Variants in RORA observed in about 807,000 individuals in gnomAD.
RORA encodes the protein nuclear receptor ROR-alpha.
In RORA, 7 loss-of-function variants were observed where a neutral mutation model predicts 69.5. The ratio of observed to expected loss-of-function variants is 0.10; its 90% CI spans 0.06 to 0.19. The LOEUF (loss-of-function observed/expected upper bound fraction) is 0.19, where lower values mean the gene tolerates loss of function less well. Among genes scored for constraint, RORA ranks in the 10% least tolerant of loss-of-function variants. RORA has a pLI of 1.00. For missense variants in RORA, 457 were observed against 663.0 expected (o/e 0.69, Z 3.41); for synonymous variants, 261 against 240.8 (o/e 1.08, Z -0.78).
intron 1 of RORA, among the ~76,000 whole-genome samples, chr15:61,161,955 C>T (rs1257211146): frequency 2.0e-5 from 3 of 152,068 alleles, no homozygotes; most frequent in Non-Finnish European, 2.9e-5. Flanking sequence ...TTTTTAATCA[C>T]GTGGCAAATG....
At chr15:60,757,435 A>AT (rs1172491296) in intron 1 of RORA, among the ~76,000 whole-genome samples, 2 of 152,058 alleles carry the variant, frequency 1.3e-5, no homozygotes, top group Non-Finnish European at 2.9e-5. Flanking sequence ...TGCAAAGAGT[A>AT]TTTTTCTGCC....
At chr15:60,971,142 T>C (rs771486617) in intron 1 of RORA, among the ~76,000 whole-genome samples, 2 of 152,212 alleles carry the variant, frequency 1.3e-5, no homozygotes, top group South Asian at 2.1e-4. Context: ...AAAGTCCATA[T>C]TGAAGCATGG....
At chr15:60,982,816 A>G (rs1044436239) in intron 1 of RORA, among the ~76,000 whole-genome samples, 3 of 152,236 alleles carry the variant, frequency 2.0e-5, no homozygotes, top group Non-Finnish European at 2.9e-5. Flanking sequence ...GAGTTCTGAA[A>G]AAGCACATTC....
chr15:60,824,085 T>C (rs1176080809), intron 1 of RORA, among the ~76,000 whole-genome samples: 3 of 152,220 alleles, frequency 2.0e-5, no homozygotes, highest in Non-Finnish European at 4.4e-5. Context: ...GTGGAATGCA[T>C]GCATATATGT....
intron 1 of RORA, among the ~76,000 whole-genome samples, chr15:61,047,139 C>T (rs539236160): frequency 9.2e-5 from 14 of 152,288 alleles, no homozygotes; most frequent in Non-Finnish European, 1.5e-4. Flanking sequence ...GCATGCTGAG[C>T]GGCCTTCAAA....
chr15:61,225,389 G>C (rs1173783884), intron 1 of RORA, among the ~76,000 whole-genome samples: 1 of 152,108 alleles, frequency 6.6e-6, no homozygotes, highest in Non-Finnish European at 1.5e-5. Context: ...GCACCTACTA[G>C]AAAGTGAATC....
At chr15:60,628,439 C>T (rs544702950) in intron 2 of RORA, among the ~76,000 whole-genome samples, 13 of 152,268 alleles carry the variant, frequency 8.5e-5, no homozygotes, top group South Asian at 2.1e-4. Context: ...TGTCATAAAT[C>T]GCTGCTGCCT....
chr15:60,694,474 C>T (rs941015364), intron 1 of RORA, among the ~76,000 whole-genome samples: 4 of 152,178 alleles, frequency 2.6e-5, no homozygotes, highest in Admixed American at 1.3e-4. Flanking sequence ...TCTGGTTGTC[C>T]CTTCTCATTT....
intron 2 of RORA, among the ~76,000 whole-genome samples, chr15:60,611,584 A>AAAAAAAAAAAAAG (rs2069091165): frequency 6.8e-6 from 1 of 146,784 alleles, no homozygotes; most frequent in Non-Finnish European, 1.5e-5. Context: ...AAAAAAAAAA[A>AAAAAAAAAAAAAG]AAAAAGGTGG....
chr15:60,718,774 G>T (rs772751121), intron 1 of RORA, among the ~76,000 whole-genome samples: 1 of 152,168 alleles, frequency 6.6e-6, no homozygotes, highest in East Asian at 1.9e-4. Context: ...ATGTGGAAAA[G>T]GATCTCTCAA....
chr15:60,796,630 A>G (rs1290225383), intron 1 of RORA, among the ~76,000 whole-genome samples: 1 of 152,210 alleles, frequency 6.6e-6, no homozygotes, highest in African/African-American at 2.4e-5. Context: ...CCCTCAATAA[A>G]TCAAACATAG....
intron 2 of RORA, among the ~76,000 whole-genome samples, chr15:60,673,532 C>A (rs2070507113): frequency 6.6e-6 from 1 of 152,228 alleles, no homozygotes; most frequent in Non-Finnish European, 1.5e-5. Flanking sequence ...TAGGTTTTAG[C>A]ACCCAGGGTT....
chr15:60,949,102 T>C (rs547877564), intron 1 of RORA, among the ~76,000 whole-genome samples: 1 of 152,248 alleles, frequency 6.6e-6, no homozygotes, highest in South Asian at 2.1e-4. Context: ...CCTGCATTCT[T>C]TCCTTCCCCA....
At chr15:60,782,651 T>G (rs1427579599) in intron 1 of RORA, among the ~76,000 whole-genome samples, 1 of 152,208 alleles carries the variant, frequency 6.6e-6, no homozygotes, top group East Asian at 1.9e-4. Context: ...CCTCCCTCTA[T>G]GAGAAGCAAA....
chr15:60,811,897 C>T (rs554390646), intron 1 of RORA, among the ~76,000 whole-genome samples: 17 of 152,282 alleles, frequency 1.1e-4, no homozygotes, highest in African/African-American at 3.6e-4. Context: ...AACAACTTTC[C>T]ATCTCAGGTT....
At chr15:60,567,742 A>G (rs1179009855) in intron 2 of RORA, among the ~76,000 whole-genome samples, 1 of 152,116 alleles carries the variant, frequency 6.6e-6, no homozygotes, top group Non-Finnish European at 1.5e-5. Flanking sequence ...GAATAATTCT[A>G]CCATTGCATG....
chr15:61,062,998 C>T (rs917887338), intron 1 of RORA, among the ~76,000 whole-genome samples: 15 of 152,256 alleles, frequency 9.9e-5, no homozygotes, highest in African/African-American at 3.6e-4. Context: ...GATCCCACCA[C>T]ATAAAGAAAA....
At chr15:60,837,172 C>G (rs1245797954) in intron 1 of RORA, among the ~76,000 whole-genome samples, 1 of 152,092 alleles carries the variant, frequency 6.6e-6, no homozygotes, top group Non-Finnish European at 1.5e-5. Flanking sequence ...ATGCCGCACC[C>G]CCTCGTTGAC....
At chr15:60,906,240 C>T (rs773368419) in intron 1 of RORA, among the ~76,000 whole-genome samples, 1 of 152,108 alleles carries the variant, frequency 6.6e-6, no homozygotes, top group African/African-American at 2.4e-5. Context: ...GCAACTGTAC[C>T]GACAAAAACC....
Sources: allele counts gnomAD v4.1 joint callset (sites outside exome capture counted in the v4.1 genomes callset), GRCh38; gene constraint gnomAD v4.1.1; transcripts MANE v1.5; gene names NCBI Gene and HGNC (gene_info 2026-07-23, HGNC 2026-07-21).